The following ATXN7L1 variants were observed in gnomAD, a reference collection of about 807,000 sequenced individuals.
ATXN7L1 encodes the protein ataxin-7-like protein 1.
ATXN7L1 carries 15 observed loss-of-function variants against 70.8 expected under a neutral mutation model. That is an observed-to-expected ratio of 0.21 (90% CI 0.14 to 0.33). The LOEUF (loss-of-function observed/expected upper bound fraction) is 0.33, where lower values mean the gene tolerates loss of function less well. Among genes scored for constraint, ATXN7L1 ranks in the 10% least tolerant of loss-of-function variants. ATXN7L1 has a pLI of 1.00. For synonymous variants in ATXN7L1, 440 were observed against 445.1 expected (o/e 0.99, Z 0.14); for missense variants, 975 against 1,097.1 (o/e 0.89, Z 1.57).
At chr7:105,634,637 T>C (rs951282668) in intron 7 of ATXN7L1, among the ~76,000 whole-genome samples, 1 of 152,060 alleles carries the variant, frequency 6.6e-6, no homozygotes, top group Non-Finnish European at 1.5e-5. Context: ...ATTACATACG[T>C]GAGCCACTGC....
chr7:105,826,416 G>C (rs1563124674), intron 2 of ATXN7L1, among the ~76,000 whole-genome samples: 1 of 152,124 alleles, frequency 6.6e-6, no homozygotes, highest in Non-Finnish European at 1.5e-5. Flanking sequence ...GTTCTAATGT[G>C]CAAATTTGGG....
intron 7 of ATXN7L1, among the ~76,000 whole-genome samples, chr7:105,630,448 T>C (rs922748103): frequency 2.6e-5 from 4 of 152,164 alleles, no homozygotes; most frequent in African/African-American, 9.7e-5. Flanking sequence ...GAAAAGGACA[T>C]GAGAAATTTT....
At chr7:105,695,821 G>T (rs1420736556) in intron 3 of ATXN7L1, among the ~76,000 whole-genome samples, 1 of 152,154 alleles carries the variant, frequency 6.6e-6, no homozygotes, top group Non-Finnish European at 1.5e-5. Flanking sequence ...GCTTAATCTG[G>T]CCTGATACTA....
chr7:105,837,072 G>C (rs755831379), intron 2 of ATXN7L1, among the ~76,000 whole-genome samples: 1 of 152,140 alleles, frequency 6.6e-6, no homozygotes, highest in Non-Finnish European at 1.5e-5. Flanking sequence ...GCGCGAGAGA[G>C]TGAGTGGGTG....
intron 8 of ATXN7L1, among the ~76,000 whole-genome samples, chr7:105,623,170 C>G (rs988235359): frequency 7.2e-5 from 11 of 152,170 alleles, no homozygotes; most frequent in Non-Finnish European, 1.5e-5. Flanking sequence ...TGAACTTGGC[C>G]TTCGTTCATG....
At chr7:105,716,008 CG>C (rs1223893122) in intron 3 of ATXN7L1, among the ~76,000 whole-genome samples, 3 of 151,604 alleles carry the variant, frequency 2.0e-5, no homozygotes, top group Non-Finnish European at 2.9e-5. Context: ...GGGGTGGAGG[CG>C]GGGGGGATGG....
chr7:105,754,132 G>C (rs1373387167), intron 3 of ATXN7L1, among the ~76,000 whole-genome samples: 1 of 152,206 alleles, frequency 6.6e-6, no homozygotes, highest in African/African-American at 2.4e-5. Flanking sequence ...ACTGCGGTAA[G>C]AGCTCTGACG....
At chr7:105,778,902 T>C (rs995113546) in intron 3 of ATXN7L1, among the ~76,000 whole-genome samples, 2 of 152,220 alleles carry the variant, frequency 1.3e-5, no homozygotes, top group Non-Finnish European at 2.9e-5. Flanking sequence ...CCTTCTCCCT[T>C]ACCTCAAAAT....
At chr7:105,866,319 G>T (rs1170364472) in intron 2 of ATXN7L1, among the ~76,000 whole-genome samples, 4 of 152,132 alleles carry the variant, frequency 2.6e-5, no homozygotes, top group Non-Finnish European at 1.5e-5. Flanking sequence ...ACTTCGTCCT[G>T]CCCTGGAGAG....
intron 9 of ATXN7L1, among the ~76,000 whole-genome samples, chr7:105,619,963 T>G (rs1794684817): frequency 3.9e-5 from 6 of 152,192 alleles, no homozygotes; most frequent in Admixed American, 3.9e-4. Context: ...TTTAGGAGAT[T>G]ACCAACACAA....
chr7:105,628,070 C>G (rs1219476948), intron 7 of ATXN7L1, among the ~76,000 whole-genome samples: 1 of 151,706 alleles, frequency 6.6e-6, no homozygotes, highest in African/African-American at 2.4e-5. Flanking sequence ...GTCTTGAACT[C>G]TTGACCTCGT....
intron 4 of ATXN7L1, among the ~76,000 whole-genome samples, chr7:105,647,763 G>A (rs1318266127): frequency 1.3e-5 from 2 of 152,184 alleles, no homozygotes; most frequent in African/African-American, 4.8e-5. Context: ...GCAGCCCCAC[G>A]AGCACAGGTG....
intron 3 of ATXN7L1, among the ~76,000 whole-genome samples, chr7:105,685,085 T>TAATAAA (rs1046731402): frequency 1.7e-4 from 25 of 144,224 alleles, no homozygotes; most frequent in Non-Finnish European, 2.6e-4. Flanking sequence ...ATAATAATAA[T>TAATAAA]AAATGGTTTT....
At chr7:105,630,728 AAAT>A (rs1796469947) in intron 7 of ATXN7L1, among the ~76,000 whole-genome samples, 1 of 151,692 alleles carries the variant, frequency 6.6e-6, no homozygotes, top group African/African-American at 2.4e-5. Context: ...AAAAATAAAT[AAAT>A]AAATAAATAA....
At chr7:105,738,928 C>G (rs958284393) in intron 3 of ATXN7L1, among the ~76,000 whole-genome samples, 2 of 152,182 alleles carry the variant, frequency 1.3e-5, no homozygotes, top group African/African-American at 2.4e-5. Context: ...GAGAAGAATA[C>G]AGTACTAGGT....
chr7:105,613,122 C>T lies in ATXN7L1; in HGVS notation c.2472+740G>A, dbSNP rs1219087143. Among the ~76,000 whole-genome samples, 8 of 152,242 alleles carry T rather than the reference C, an allele frequency of 5.3e-5. 1 individual carries two copies. The highest frequency in any genetic ancestry group is 4.6e-4 in the Admixed American group (7 of 15,296). On this transcript the variant is annotated intron_variant, in intron 10 of 11. Coordinates refer to ENST00000419735, the MANE Select transcript of ATXN7L1 (RefSeq NM_020725.2). ...GGGCTTTCCTAAGTAGCCCCCCAGC[C>T]GGAGGAGAAGGACTAGACTCAGGGA... is the stretch of plus-strand genomic sequence containing the variant.
chr7:105,771,953 T>C (rs1291844978), intron 3 of ATXN7L1, among the ~76,000 whole-genome samples: 3 of 150,380 alleles, frequency 2.0e-5, no homozygotes, highest in South Asian at 2.1e-4. Context: ...CAAAAAGCAA[T>C]GTAAACGGAA....
At chr7:105,607,945 A>G in intron 11 of ATXN7L1, 55 bp from the exon 12 acceptor site, 2 of 1,471,014 alleles carry the variant, frequency 1.4e-6, no homozygotes, top group Non-Finnish European at 1.9e-6. Context: ...GAGATTACCC[A>G]TGAGAATTCA....
intron 3 of ATXN7L1, among the ~76,000 whole-genome samples, chr7:105,738,862 G>A (rs1797703203): frequency 6.6e-6 from 1 of 152,242 alleles, no homozygotes; most frequent in African/African-American, 2.4e-5. Flanking sequence ...GCTGGATGCA[G>A]AGCGCTAAGC....
Sources: gnomAD v4.1 joint callset for allele counts (sites outside exome capture counted in the v4.1 genomes callset) on GRCh38, gnomAD v4.1.1 for gene constraint, MANE v1.5 for transcripts, NCBI Gene and HGNC (gene_info 2026-07-23, HGNC 2026-07-21) for gene names.